AIMP2: variants seen among roughly 807,000 people sequenced by gnomAD.
AIMP2 encodes aminoacyl tRNA synthetase complex interacting multifunctional protein 2.
In AIMP2, 20 loss-of-function variants were observed where a neutral mutation model predicts 23.4. The observed-to-expected ratio is 0.85, with a 90% confidence interval of 0.60 to 1.24. AIMP2 has a LOEUF of 1.24. AIMP2 is among the 50% of genes most tolerant of loss of function. The pLI is 0.00. For missense variants in AIMP2, 515 were observed against 414.5 expected, an observed-to-expected ratio of 1.24 and a Z score of -2.10; for synonymous variants, 210 against 170.4, an observed-to-expected ratio of 1.23 and a Z score of -1.81.
rs1786966563 is a variant in AIMP2 at position 6,015,437 on chromosome 7, C to G, written c.342+85C>G. 10 of 1,477,420 alleles carry G rather than the reference C, an allele frequency of 6.8e-6. No homozygotes were observed. In the Admixed American group the frequency reaches 1.3e-4, roughly 19 times the overall value. The allele number at this position is 1,477,420 out of a possible 1,614,324, so 91.5% of individuals were successfully genotyped here. A position where few individuals can be genotyped will look rare whatever the true frequency, so the allele number is the denominator to read the frequency against. ...TGTGCTGCTGTGATTAAAGCCTTAG[C>G]TTTCAGGCCGGGCGTGGTGGCTCAC... On this transcript the variant is annotated intron_variant, in intron 2 of 3. Transcript: ENST00000223029.
chr7:6,009,391 C>T lies in AIMP2; in HGVS notation c.28C>T (p.His10Tyr). The T allele has an allele frequency of 1.2e-6, 2 of 1,611,720 alleles. No homozygotes were observed. The highest frequency in any genetic ancestry group is 2.2e-5 in the South Asian group (2 of 91,002). The change falls in exon 1 of 4, where the codon CAC (histidine) becomes TAC (tyrosine). Residue 10 changes from histidine to tyrosine, a missense_variant. Physicochemically the swap from His to Tyr is moderately conservative, Grantham distance 83. Transcript: ENST00000223029. ...GCCGATGTACCAGGTAAAGCCCTAT[C>T]ACGGGGGCGGCGCGCCTCTCCGTGT... MPMYQVKPY[H>Y]GGGAPLRVEL...
chr7:6,015,388 A>T lies in AIMP2; in HGVS notation c.342+36A>T, dbSNP rs1171633674. On this transcript the variant is annotated intron_variant, in intron 2 of 3. Transcript: ENST00000223029. ...TTTGAAAGCTGAAACGTTAGTAGGTACTGAGTGGTTAGTGCAGGGAAATTG... is the reference window on the plus strand; with the variant it reads ...TTTGAAAGCTGAAACGTTAGTAGGTTCTGAGTGGTTAGTGCAGGGAAATTG... 2.5e-6 allele frequency: 4 copies of T among 1,603,702 alleles called. No homozygotes were observed. In the Admixed American group the frequency reaches 5.0e-5, roughly 20 times the overall value.
At chr7:6,016,784 C>T (rs940852685) in intron 2 of AIMP2, 9 of 152,156 alleles carry the variant, frequency 5.9e-5, no homozygotes, top group Non-Finnish European at 1.3e-4. Context: ...TACAGAAAGC[C>T]AAGGAGTTTG....
At chr7:6,018,131 G>T in intron 3 of AIMP2, 86 bp downstream of exon 3, 11 of 991,652 alleles carry the variant, frequency 1.1e-5, no homozygotes, top group African/African-American at 1.7e-5. Flanking sequence ...TTTACATGTG[G>T]ATTTTTTTCT....
At chr7:6,017,732 TG>T in intron 2 of AIMP2, 81 bp from the exon 3 acceptor site, 1 of 1,263,544 alleles carries the variant, frequency 7.9e-7, no homozygotes, top group South Asian at 1.4e-5. Flanking sequence ...TAGATAACCC[TG>T]GTTAGGTTCT....
chr7:6,018,968 T>TACACACACACAC (rs59354100), intron 3 of AIMP2, among the ~76,000 whole-genome samples: 3,370 of 150,638 alleles, frequency 0.022, 84 homozygotes, highest in African/African-American at 0.058. Flanking sequence ...TATCAAACCT[T>TACACACACACAC]ACACACACAC....
At chr7:6,012,454 G>C (rs1160813857) in intron 1 of AIMP2, among the ~76,000 whole-genome samples, 1 of 152,048 alleles carries the variant, frequency 6.6e-6, no homozygotes, top group Non-Finnish European at 1.5e-5. Context: ...TGAACATTTT[G>C]TTATTACTCA....
chr7:6,017,751 G>C, intron 2 of AIMP2, 63 bp from the exon 3 acceptor site: 1 of 1,456,078 alleles, frequency 6.9e-7, no homozygotes, highest in Non-Finnish European at 9.3e-7. Flanking sequence ...TCTTAGACTC[G>C]CGCCCGGCAC....
intron 1 of AIMP2, 149 bp downstream of exon 1, chr7:6,009,647 T>A: frequency 1.5e-6 from 1 of 678,140 alleles, no homozygotes; most frequent in Non-Finnish European, 2.1e-6. Context: ...CTCAGACTTT[T>A]ATGTTTTAAA....
At chr7:6,012,640 C>A in intron 1 of AIMP2, 1 of 324,206 alleles carries the variant, frequency 3.1e-6, no homozygotes, top group South Asian at 2.2e-5. Flanking sequence ...TCACTGCAGC[C>A]ACTGTCTCCC....
intron 1 of AIMP2, among the ~76,000 whole-genome samples, chr7:6,011,626 ACTTT>A (rs1334905461): frequency 6.6e-6 from 1 of 152,130 alleles, no homozygotes; most frequent in Non-Finnish European, 1.5e-5. Context: ...GGAGGGACAG[ACTTT>A]CTTTTGAAAC....
Position 6,023,721 on chromosome 7 carries a change from A to AT in AIMP2, c.*34dup, listed in dbSNP as rs1197264213. 10 of 1,614,038 alleles carry AT rather than the reference A, an allele frequency of 6.2e-6. No homozygotes were observed. The highest frequency in any genetic ancestry group is 8.5e-6 in the Non-Finnish European group (10 of 1,180,038). On this transcript the variant is annotated 3_prime_UTR_variant, in exon 4 of 4. Coordinates refer to ENST00000223029, the MANE Select transcript of AIMP2 (RefSeq NM_006303.4). ...CCGTAACTGATTTTAAAGGGTTTAG[A>AT]TTTTAAGAATGGTGCTCTTTCATGC...
chr7:6,009,964 A>ATATATATATATATAT (rs1554310799), intron 1 of AIMP2, among the ~76,000 whole-genome samples: 3 of 42,954 alleles, frequency 7.0e-5, no homozygotes, highest in Non-Finnish European at 1.4e-4. Context: ...AAAAAAAAAA[A>ATATATATATATATAT]AAAAAAAAAA....
chr7:6,009,385 C>T lies in AIMP2; in HGVS notation c.22C>T (p.Pro8Ser), dbSNP rs377537932. MPMYQVK[P>S]YHGGGAPLRV... ...TGCCATGCCGATGTACCAGGTAAAG[C>T]CCTATCACGGGGGCGGCGCGCCTCT... The change falls in exon 1 of 4, where the codon CCC (proline) becomes TCC (serine). Residue 8 changes from proline (P) to serine (S), a missense_variant. Pro to Ser is a moderately conservative substitution (Grantham distance 74). Transcript: ENST00000223029. The T allele has an allele frequency of 1.2e-6, 2 of 1,611,762 alleles. No individual in the cohort carries two copies. Among genetic ancestry groups the T allele is most frequent in the South Asian group, 2.2e-5 (2 of 90,994 alleles).
intron 1 of AIMP2, among the ~76,000 whole-genome samples, chr7:6,014,005 C>T (rs1786864330): frequency 1.3e-5 from 2 of 152,040 alleles, no homozygotes; most frequent in Non-Finnish European, 2.9e-5. Flanking sequence ...TACTTGGCCC[C>T]ATGGACGTGC....
intron 3 of AIMP2, among the ~76,000 whole-genome samples, chr7:6,019,904 C>T (rs1449315731): frequency 1.3e-5 from 2 of 151,800 alleles, no homozygotes; most frequent in Non-Finnish European, 2.9e-5. Flanking sequence ...TGCCTGTAGT[C>T]CCAGCTACTT....
intron 1 of AIMP2, among the ~76,000 whole-genome samples, chr7:6,010,009 G>A (rs1470278349): frequency 2.5e-5 from 3 of 118,662 alleles, no homozygotes; most frequent in Non-Finnish European, 3.4e-5. Context: ...ATCTTTCCAG[G>A]TCGGGCGCGG....
intron 2 of AIMP2, chr7:6,017,081 ATCATCAATGAT>A (rs1279923993): frequency 6.6e-6 from 1 of 152,248 alleles, no homozygotes; most frequent in Non-Finnish European, 1.5e-5. Context: ...CCCATCCCTC[ATCATCAATGAT>A]ATCTTGGGCC....
In AIMP2 at chr7:6,023,553, C is replaced by T. The variant is rs368295654; in HGVS notation, c.825C>T (p.Thr275=). ...CTTGGCTCGCTGGGAATGAACTCACCGTAGCAGACGTGGTGCTGTGGTCTG... is the reference window on the plus strand; with the variant it reads ...CTTGGCTCGCTGGGAATGAACTCACTGTAGCAGACGTGGTGCTGTGGTCTG... ...KSPWLAGNEL[T]VADVVLWSVL... The change falls in exon 4 of 4, where the codon ACC becomes ACT. Residue 275 remains threonine (T), a synonymous_variant. Transcript: ENST00000223029. 31 of 1,614,096 alleles carry T rather than the reference C, an allele frequency of 1.9e-5. No homozygotes were observed. The highest frequency in any genetic ancestry group is 2.7e-5 in the African/African-American group (2 of 74,932).
Sources: allele counts gnomAD v4.1 joint callset (sites outside exome capture counted in the v4.1 genomes callset), GRCh38; gene constraint gnomAD v4.1.1; transcripts MANE v1.5; gene names NCBI Gene and HGNC (gene_info 2026-07-23, HGNC 2026-07-21).